The following DNM3 variants were observed in gnomAD, a reference collection of about 807,000 sequenced individuals.
DNM3 encodes the protein dynamin-3.
A neutral mutation model predicts 101.6 loss-of-function variants in DNM3; 47 were observed. The ratio of observed to expected loss-of-function variants is 0.46; its 90% CI spans 0.37 to 0.59. The LOEUF is 0.59. Ranked by LOEUF, DNM3 falls within the 20% of genes least tolerant of loss-of-function variation. The probability of loss-of-function intolerance (pLI) is 0.00; values close to 1 mark genes in which losing one functional copy is unlikely to be tolerated. For missense variants in DNM3, 849 were observed against 1,085.7 expected (o/e 0.78, Z 3.06); for synonymous variants, 385 against 387.9 (o/e 0.99, Z 0.09).
At chr1:172,370,054 T>C (rs191277951) in intron 17 of DNM3, 208 of 152,010 alleles carry the variant, frequency 1.4e-3, no homozygotes, top group African/African-American at 4.8e-3. Context: ...ACCCCATCTC[T>C]CAATATAGTC....
chr1:172,046,418 G>T (rs143533652), intron 9 of DNM3, among the ~76,000 whole-genome samples: 4 of 152,196 alleles, frequency 2.6e-5, no homozygotes, highest in East Asian at 1.9e-4. Flanking sequence ...GGTGGGAGTA[G>T]GGGGGAGGGA....
intron 14 of DNM3, among the ~76,000 whole-genome samples, chr1:172,194,096 T>A (rs989420371): frequency 2.6e-5 from 4 of 152,200 alleles, no homozygotes; most frequent in African/African-American, 7.2e-5. Flanking sequence ...ACATCTTTAA[T>A]TCTGCCTTCA....
chr1:171,895,973 C>A (rs901039469), intron 1 of DNM3, among the ~76,000 whole-genome samples: 5 of 151,966 alleles, frequency 3.3e-5, no homozygotes, highest in Admixed American at 6.6e-5. Context: ...ATTTCTGAGG[C>A]CTCTGTTCTG....
chr1:171,885,864 AG>A (rs1177908476), intron 1 of DNM3, among the ~76,000 whole-genome samples: 1 of 152,078 alleles, frequency 6.6e-6, no homozygotes, highest in Non-Finnish European at 1.5e-5. Flanking sequence ...AGTGAGGGTT[AG>A]GGGGTGGATA....
intron 1 of DNM3, among the ~76,000 whole-genome samples, chr1:171,913,538 G>C (rs188942176): frequency 6.6e-5 from 10 of 152,144 alleles, no homozygotes; most frequent in Non-Finnish European, 1.3e-4. Context: ...GCATTGTAAT[G>C]GTTGGCAAAG....
At chr1:171,957,809 T>G (rs1038246702) in intron 2 of DNM3, among the ~76,000 whole-genome samples, 26 of 152,168 alleles carry the variant, frequency 1.7e-4, no homozygotes, top group Non-Finnish European at 3.2e-4. Flanking sequence ...TGTCTGCATT[T>G]TGGTCAAAGC....
chr1:172,197,682 G>C (rs2060003038), intron 14 of DNM3, among the ~76,000 whole-genome samples: 1 of 151,982 alleles, frequency 6.6e-6, no homozygotes, highest in African/African-American at 2.4e-5. Flanking sequence ...TTATGAATGG[G>C]ATTGCCTTTC....
intron 2 of DNM3, among the ~76,000 whole-genome samples, chr1:171,955,740 G>T (rs1178006505): frequency 3.9e-5 from 6 of 152,162 alleles, no homozygotes; most frequent in Non-Finnish European, 8.8e-5. Context: ...TAACTGGGCT[G>T]TATTAGTCTG....
At chr1:171,847,484 T>A (rs2124972401) in intron 1 of DNM3, among the ~76,000 whole-genome samples, 1 of 152,158 alleles carries the variant, frequency 6.6e-6, no homozygotes, top group Non-Finnish European at 1.5e-5. Flanking sequence ...GACTGTGACT[T>A]TATCACAAAG....
intron 12 of DNM3, among the ~76,000 whole-genome samples, chr1:172,087,101 C>G (rs1572448803): frequency 6.6e-6 from 1 of 152,254 alleles, no homozygotes; most frequent in Admixed American, 6.5e-5. Context: ...TTGTCCAGGA[C>G]AAAACAGTTA....
chr1:172,057,605 A>G (rs371639113), intron 10 of DNM3, among the ~76,000 whole-genome samples: 17 of 152,002 alleles, frequency 1.1e-4, no homozygotes, highest in Middle Eastern at 3.2e-3. Context: ...AGCTTCATAA[A>G]TGAAGGAGAA....
intron 14 of DNM3, among the ~76,000 whole-genome samples, chr1:172,251,742 A>C (rs1557883202): frequency 2.0e-5 from 3 of 152,158 alleles, no homozygotes; most frequent in Non-Finnish European, 4.4e-5. Flanking sequence ...ATTTCCCATT[A>C]AAAGGCAAAT....
intron 1 of DNM3, among the ~76,000 whole-genome samples, chr1:171,853,844 C>G (rs187723324): frequency 2.6e-5 from 4 of 152,308 alleles, no homozygotes; most frequent in African/African-American, 7.2e-5. Context: ...CCTCAGTAAC[C>G]TGCAGTCCCC....
At chr1:172,286,068 T>TTATATATATATATATATATATATA (rs143628364) in intron 15 of DNM3, among the ~76,000 whole-genome samples, 1 of 147,454 alleles carries the variant, frequency 6.8e-6, no homozygotes, top group African/African-American at 2.5e-5. Flanking sequence ...AGTGAGTTAT[T>TTATATATATATATATATATATATA]TATATATATA....
intron 1 of DNM3, among the ~76,000 whole-genome samples, chr1:171,892,415 C>T (rs1393340637): frequency 6.6e-6 from 1 of 152,186 alleles, no homozygotes; most frequent in East Asian, 1.9e-4. Context: ...AATGTATTTG[C>T]ATATACCAAC....
intron 9 of DNM3, among the ~76,000 whole-genome samples, chr1:172,046,431 G>A (rs1168044469): frequency 2.6e-5 from 4 of 152,122 alleles, no homozygotes; most frequent in African/African-American, 9.7e-5. Context: ...GGGAGGGATA[G>A]CATTAGGAGA....
chr1:172,244,715 G>C (rs940186310), intron 14 of DNM3, among the ~76,000 whole-genome samples: 5 of 152,078 alleles, frequency 3.3e-5, no homozygotes, highest in Non-Finnish European at 7.4e-5. Flanking sequence ...ACAGGTGCTG[G>C]AGAGGATGTG....
chr1:172,009,050 TATATA>T (rs944341096), intron 4 of DNM3, among the ~76,000 whole-genome samples: 8 of 128,752 alleles, frequency 6.2e-5, no homozygotes, highest in Non-Finnish European at 1.3e-4. Context: ...ATTTATATAT[TATATA>T]ATATATTATA....
At chr1:171,871,229 A>G (rs896098173) in intron 1 of DNM3, among the ~76,000 whole-genome samples, 3 of 152,180 alleles carry the variant, frequency 2.0e-5, no homozygotes, top group African/African-American at 2.4e-5. Context: ...CCAGAGCCCC[A>G]GGATACAGAG....
Sources: allele counts gnomAD v4.1 joint callset (sites outside exome capture counted in the v4.1 genomes callset), GRCh38; gene constraint gnomAD v4.1.1; transcripts MANE v1.5; gene names NCBI Gene and HGNC (gene_info 2026-07-23, HGNC 2026-07-21).